The following DEPTOR variants were observed in gnomAD, a reference collection of about 807,000 sequenced individuals.
The protein encoded by DEPTOR is DEP domain-containing mTOR-interacting protein.
Under a neutral mutation model 41.6 loss-of-function variants are expected in DEPTOR, and 41 were observed. The observed-to-expected ratio is 0.98, with a 90% CI of 0.77 to 1.28. The LOEUF (loss-of-function observed/expected upper bound fraction) is 1.28. Ranked by LOEUF, DEPTOR falls within the 50% of genes most tolerant of loss-of-function variation. The pLI is 0.00. For synonymous variants in DEPTOR, 195 were observed against 192.3 expected, an observed-to-expected ratio of 1.01 and a Z score of -0.12; for missense variants, 514 against 527.9, an observed-to-expected ratio of 0.97 and a Z score of 0.26.
intron 3 of DEPTOR, among the ~76,000 whole-genome samples, chr8:119,955,114 T>C (rs1336516466): frequency 1.3e-5 from 2 of 152,156 alleles, no homozygotes; most frequent in African/African-American, 4.8e-5. Context: ...CACCTCGGCC[T>C]CCCAAAGTGC....
chr8:119,931,875 G>C (rs988026327), intron 3 of DEPTOR, among the ~76,000 whole-genome samples: 5 of 151,748 alleles, frequency 3.3e-5, no homozygotes, highest in African/African-American at 1.2e-4. Flanking sequence ...ATGATTCTAT[G>C]TTGGCCAAAA....
chr8:119,958,465 G>A (rs1232195445), intron 3 of DEPTOR, among the ~76,000 whole-genome samples: 1 of 152,100 alleles, frequency 6.6e-6, no homozygotes, highest in Non-Finnish European at 1.5e-5. Flanking sequence ...CAGTCACAAA[G>A]CTAGGCCAAG....
At chr8:119,935,996 G>GTTTTTTT (rs1201688321) in intron 3 of DEPTOR, among the ~76,000 whole-genome samples, 1 of 102,786 alleles carries the variant, frequency 9.7e-6, no homozygotes, top group African/African-American at 3.8e-5. Flanking sequence ...CATTAGTCTA[G>GTTTTTTT]TTGTTTTTTT....
chr8:119,956,721 T>G (rs1327069209), intron 3 of DEPTOR, among the ~76,000 whole-genome samples: 4 of 132,552 alleles, frequency 3.0e-5, no homozygotes, highest in Admixed American at 7.7e-5. Context: ...AGAGACAGGG[T>G]TTTTTGTTTT....
chr8:120,015,542 A>T (rs1812595501), intron 8 of DEPTOR, among the ~76,000 whole-genome samples: 1 of 152,202 alleles, frequency 6.6e-6, no homozygotes, highest in Non-Finnish European at 1.5e-5. Flanking sequence ...AACAATGATG[A>T]TATGGCTCCA....
At chr8:120,012,828 C>T (rs1025161678) in intron 8 of DEPTOR, among the ~76,000 whole-genome samples, 10 of 152,044 alleles carry the variant, frequency 6.6e-5, no homozygotes, top group African/African-American at 2.4e-4. Context: ...AGCCACCACG[C>T]CCAGCCGAAT....
intron 4 of DEPTOR, among the ~76,000 whole-genome samples, chr8:119,996,891 A>T (rs1386242278): frequency 3.3e-5 from 5 of 152,180 alleles, no homozygotes; most frequent in Non-Finnish European, 7.4e-5. Context: ...ATCTCAATAA[A>T]CTCAGAAGGT....
intron 3 of DEPTOR, among the ~76,000 whole-genome samples, chr8:119,951,099 A>G (rs1828348204): frequency 6.7e-6 from 1 of 148,968 alleles, no homozygotes; most frequent in Admixed American, 6.8e-5. Context: ...ACACACATCA[A>G]TTTTCCCAGA....
chr8:119,922,589 A>T (rs1461843296), intron 1 of DEPTOR, among the ~76,000 whole-genome samples: 1 of 152,182 alleles, frequency 6.6e-6, no homozygotes, highest in Non-Finnish European at 1.5e-5. Context: ...TTTTATTATT[A>T]ATAATTACAA....
At chr8:119,942,038 G>T (rs1393581919) in intron 3 of DEPTOR, among the ~76,000 whole-genome samples, 1 of 152,106 alleles carries the variant, frequency 6.6e-6, no homozygotes, top group African/African-American at 2.4e-5. Context: ...CCGTTTCTTT[G>T]TAATGCCCCC....
intron 8 of DEPTOR, among the ~76,000 whole-genome samples, chr8:120,029,369 T>C (rs976597481): frequency 6.6e-6 from 1 of 152,148 alleles, no homozygotes; most frequent in Non-Finnish European, 1.5e-5. Context: ...TCAAATATGC[T>C]TTGAGTCTTG....
chr8:119,978,595 C>A (rs1307206897), intron 4 of DEPTOR, among the ~76,000 whole-genome samples: 1 of 152,184 alleles, frequency 6.6e-6, no homozygotes, highest in Non-Finnish European at 1.5e-5. Flanking sequence ...CATCACAGAC[C>A]TTTTTTCTAG....
intron 8 of DEPTOR, among the ~76,000 whole-genome samples, chr8:120,047,301 T>A (rs1813166731): frequency 6.6e-6 from 1 of 151,198 alleles, no homozygotes; most frequent in East Asian, 2.0e-4. Context: ...GGATTACAGA[T>A]GTGAGCCACT....
At chr8:119,883,907 T>C (rs936869326) in intron 1 of DEPTOR, among the ~76,000 whole-genome samples, 7 of 152,186 alleles carry the variant, frequency 4.6e-5, no homozygotes, top group Non-Finnish European at 8.8e-5. Flanking sequence ...GAACAGAACC[T>C]TGTCCTTTGT....
At chr8:120,003,256 A>G in intron 6 of DEPTOR, 145 bp downstream of exon 6, 1 of 1,385,356 alleles carries the variant, frequency 7.2e-7, no homozygotes, top group Non-Finnish European at 9.7e-7. Context: ...TGTTGAATGG[A>G]AGGGAAGGAA....
At chr8:119,999,618 T>C (rs1162026158) in intron 4 of DEPTOR, among the ~76,000 whole-genome samples, 1 of 152,238 alleles carries the variant, frequency 6.6e-6, no homozygotes, top group African/African-American at 2.4e-5. Context: ...AGTGAGTCTC[T>C]ATCTCTAAAT....
At chr8:119,937,315 G>A (rs1046033433) in intron 3 of DEPTOR, among the ~76,000 whole-genome samples, 4 of 151,758 alleles carry the variant, frequency 2.6e-5, no homozygotes, top group African/African-American at 4.8e-5. Flanking sequence ...CAGGAGAATC[G>A]CTTGAACCCG....
chr8:120,018,892 C>G (rs181279848), intron 8 of DEPTOR, among the ~76,000 whole-genome samples: 1 of 152,180 alleles, frequency 6.6e-6, no homozygotes, highest in African/African-American at 2.4e-5. Context: ...AGTAATACAG[C>G]GATAACAGTG....
Position 120,008,527 on chromosome 8 carries a change from C to CAAA in DEPTOR, c.997-486_997-484dup, listed in dbSNP as rs35570467. ...TGGGTGACAGAGCAAGACTCTGTCT[C>CAAA]AAAAAAAAAAAAAAAAAAGCCAGGT... On this transcript the variant is annotated intron_variant, in intron 7 of 8. Transcript: ENST00000286234. Among the ~76,000 whole-genome samples, 74 of 99,672 alleles carry CAAA rather than the reference C, an allele frequency of 7.4e-4. 3 individuals are homozygous for CAAA. Among genetic ancestry groups the CAAA allele is most frequent in the African/African-American group, 1.7e-3 (43 of 25,050 alleles). The allele number at this position is 99,672 out of a possible 152,430, so 65.4% of individuals were successfully genotyped here. A position where few individuals can be genotyped will look rare whatever the true frequency, so the allele number is the denominator to read the frequency against.
Sources: gnomAD v4.1 joint callset for allele counts (sites outside exome capture counted in the v4.1 genomes callset) on GRCh38, gnomAD v4.1.1 for gene constraint, MANE v1.5 for transcripts, NCBI Gene and HGNC (gene_info 2026-07-23, HGNC 2026-07-21) for gene names.